GNAQ: variants seen among roughly 807,000 people sequenced by gnomAD.
The protein encoded by GNAQ is G protein subunit alpha q, also known as guanine nucleotide-binding protein G(q) subunit alpha.
GNAQ carries 8 observed loss-of-function variants against 43.9 expected under a neutral mutation model. The observed-to-expected ratio is 0.18, with a 90% confidence interval of 0.11 to 0.33. The LOEUF is 0.33. GNAQ is among the 10% of genes least tolerant of loss of function. The pLI is 1.00. For synonymous variants in GNAQ, 155 were observed against 170.7 expected (o/e 0.91, Z 0.71); for missense variants, 158 against 450.8 (o/e 0.35, Z 5.88).
At chr9:77,811,601 C>T (rs1352773205) in intron 3 of GNAQ, among the ~76,000 whole-genome samples, 1 of 152,204 alleles carries the variant, frequency 6.6e-6, no homozygotes, top group Admixed American at 6.5e-5. Flanking sequence ...AGTGATTACA[C>T]TGGAGAAACA....
At chr9:77,879,024 T>C (rs530643526) in intron 2 of GNAQ, among the ~76,000 whole-genome samples, 68 of 151,806 alleles carry the variant, frequency 4.5e-4, no homozygotes, top group African/African-American at 1.5e-3. Context: ...CCAGCCTGGG[T>C]GACAGAGCAA....
intron 2 of GNAQ, among the ~76,000 whole-genome samples, chr9:77,920,984 A>G (rs765934856): frequency 3.3e-5 from 5 of 152,250 alleles, no homozygotes; most frequent in African/African-American, 1.2e-4. Flanking sequence ...CCCACTGGAC[A>G]TTGCAACTTC....
intron 2 of GNAQ, among the ~76,000 whole-genome samples, chr9:77,821,862 A>G (rs1564121023): frequency 6.6e-6 from 1 of 152,140 alleles, no homozygotes; most frequent in Non-Finnish European, 1.5e-5. Flanking sequence ...GAGATTAAAG[A>G]TATGCATATT....
chr9:77,942,829 A>G (rs959709606), intron 1 of GNAQ, among the ~76,000 whole-genome samples: 11 of 152,238 alleles, frequency 7.2e-5, no homozygotes, highest in Non-Finnish European at 1.6e-4. Flanking sequence ...GTAAAAATAC[A>G]GGTTATATTA....
At chr9:77,772,501 A>C in intron 5 of GNAQ, among the ~76,000 whole-genome samples, 1 of 152,096 alleles carries the variant, frequency 6.6e-6, no homozygotes, top group East Asian at 1.9e-4. Context: ...CTAGTACTAC[A>C]TCCCCTTTCG....
In GNAQ at chr9:78,031,374, C is replaced by T; in HGVS notation, c.-139G>A. The T allele has an allele frequency of 2.1e-6, 1 of 471,110 alleles. No homozygotes were observed. Among genetic ancestry groups the T allele is most frequent in the Non-Finnish European group, 3.1e-6 (1 of 319,376 alleles). The allele number at this position is 471,110 out of a possible 1,614,324, so 29.2% of individuals were successfully genotyped here. ...CCGGGCGCGCGTCCGGGACGAGCTC[C>T]GGGAACCGCCGCGGGGGCGGCGGCC... On this transcript the variant is annotated 5_prime_UTR_variant, in exon 1 of 7. Coordinates refer to ENST00000286548, the MANE Select transcript of GNAQ (RefSeq NM_002072.5).
chr9:77,821,724 G>GGGGT (rs201504418), intron 2 of GNAQ, among the ~76,000 whole-genome samples: 49,966 of 142,112 alleles, frequency 0.35, 8,975 homozygotes, highest in Non-Finnish European at 0.43. Flanking sequence ...TCCTAGTATG[G>GGGGT]GTGTGTGTGT....
intron 3 of GNAQ, among the ~76,000 whole-genome samples, chr9:77,811,879 A>G (rs187200280): frequency 6.6e-6 from 1 of 152,272 alleles, no homozygotes. Context: ...AACCCCTTAC[A>G]TAACTGGCAG....
At chr9:77,893,040 A>G (rs1397459992) in intron 2 of GNAQ, among the ~76,000 whole-genome samples, 3 of 152,286 alleles carry the variant, frequency 2.0e-5, no homozygotes, top group South Asian at 2.1e-4. Context: ...TTTATGGATA[A>G]TCTACTAGGC....
intron 5 of GNAQ, among the ~76,000 whole-genome samples, chr9:77,768,554 A>G (rs185605108): frequency 2.6e-5 from 4 of 152,294 alleles, no homozygotes; most frequent in Non-Finnish European, 5.9e-5. Context: ...AAGATGCACT[A>G]CCATCTTGAG....
chr9:77,975,746 G>A (rs1823293281), intron 1 of GNAQ, among the ~76,000 whole-genome samples: 1 of 148,884 alleles, frequency 6.7e-6, no homozygotes, highest in South Asian at 2.1e-4. Flanking sequence ...CACCATGTTG[G>A]CCAGGATGGT....
intron 3 of GNAQ, among the ~76,000 whole-genome samples, chr9:77,802,061 G>T (rs911761074): frequency 6.6e-6 from 1 of 152,054 alleles, no homozygotes; most frequent in Non-Finnish European, 1.5e-5. Context: ...CAGCTACATC[G>T]GAGGCTTAGG....
chr9:77,889,938 G>C (rs1169952189), intron 2 of GNAQ, among the ~76,000 whole-genome samples: 2 of 152,082 alleles, frequency 1.3e-5, no homozygotes, highest in South Asian at 2.1e-4. Flanking sequence ...AAGTCAAATT[G>C]TATTAATTTT....
At chr9:77,998,322 A>G (rs1823601566) in intron 1 of GNAQ, among the ~76,000 whole-genome samples, 1 of 152,250 alleles carries the variant, frequency 6.6e-6, no homozygotes, top group South Asian at 2.1e-4. Context: ...AATTTACATG[A>G]TACCTACTCT....
chr9:77,973,788 A>G (rs1290284928), intron 1 of GNAQ, among the ~76,000 whole-genome samples: 1 of 152,208 alleles, frequency 6.6e-6, no homozygotes, highest in Non-Finnish European at 1.5e-5. Flanking sequence ...ACTGCACTCC[A>G]GCCTGGGCGA....
chr9:77,941,221 G>A (rs993041039), intron 1 of GNAQ, among the ~76,000 whole-genome samples: 1 of 151,794 alleles, frequency 6.6e-6, no homozygotes, highest in African/African-American at 2.4e-5. Context: ...CAGCCACAAA[G>A]CTTTCTAAAA....
chr9:77,994,496 G>A (rs1341995211), intron 1 of GNAQ, among the ~76,000 whole-genome samples: 2 of 152,008 alleles, frequency 1.3e-5, no homozygotes, highest in Admixed American at 1.3e-4. Flanking sequence ...CTTCCTACTG[G>A]GTTACTAGTA....
chr9:77,808,217 TC>T (rs1011655347), intron 3 of GNAQ, among the ~76,000 whole-genome samples: 2 of 152,052 alleles, frequency 1.3e-5, no homozygotes, highest in Non-Finnish European at 2.9e-5. Context: ...TTTTTCCTGT[TC>T]CTTCTCTGTA....
chr9:77,835,120 G>C (rs916389444), intron 2 of GNAQ, among the ~76,000 whole-genome samples: 5 of 152,080 alleles, frequency 3.3e-5, no homozygotes, highest in Non-Finnish European at 7.4e-5. Context: ...TTCACACCCT[G>C]GGCAGGGTGA....
Sources: allele counts gnomAD v4.1 joint callset (sites outside exome capture counted in the v4.1 genomes callset), GRCh38; gene constraint gnomAD v4.1.1; transcripts MANE v1.5; gene names NCBI Gene and HGNC (gene_info 2026-07-23, HGNC 2026-07-21).